The following PTK2 variants were observed in gnomAD, a reference collection of about 807,000 sequenced individuals.
PTK2 encodes protein tyrosine kinase 2, also known as focal adhesion kinase 1.
Under a neutral mutation model 150.1 loss-of-function variants are expected in PTK2, and 45 were observed. The observed-to-expected ratio is 0.30, with a 90% CI of 0.24 to 0.38. The LOEUF is 0.38. PTK2 is among the 10% of genes least tolerant of loss of function. The pLI is 1.00. For synonymous variants in PTK2, 432 were observed against 449.2 expected, an observed-to-expected ratio of 0.96 and a Z score of 0.48; for missense variants, 919 against 1,307.3, an observed-to-expected ratio of 0.70 and a Z score of 4.58.
chr8:140,875,118 G>A (rs1279535165), intron 4 of PTK2, among the ~76,000 whole-genome samples: 2 of 152,192 alleles, frequency 1.3e-5, no homozygotes, highest in Non-Finnish European at 2.9e-5. Flanking sequence ...GAGACCACAG[G>A]AAAGCAGTAA....
chr8:140,959,741 C>T lies in PTK2; in HGVS notation c.-121-33992G>A, dbSNP rs146641189. On this transcript the variant is annotated intron_variant, in intron 1 of 31. Transcript: ENST00000522684. ...CGTATAGCAGCTCATGCCTGTAATT[C>T]TAGCACTTTGGGAGGCCAAGGTTGG... Among the ~76,000 whole-genome samples the T allele has an allele frequency of 5.4e-3, 821 of 152,090 alleles. 4 individuals are homozygous for T. The highest frequency in any genetic ancestry group is 9.9e-3 in the Non-Finnish European group (670 of 67,986).
At chr8:140,876,617 T>G (rs1293003328) in intron 4 of PTK2, among the ~76,000 whole-genome samples, 1 of 152,218 alleles carries the variant, frequency 6.6e-6, no homozygotes, top group African/African-American at 2.4e-5. Context: ...TGGGATTATC[T>G]CCTCCTCTTC....
At position 140,760,094 on chromosome 8, in the gene PTK2, C is replaced by T. The variant is rs1047042306; in HGVS notation, c.1332+1071G>A. On this transcript the variant is annotated intron_variant, in intron 16 of 31. Coordinates refer to ENST00000522684, the Ensembl canonical transcript of PTK2. ...AAAATTAGCTGGGCGTGGTGGAGCG[C>T]GCCTGTAGTCCCAGCTGCTCAGGAG... 4.6e-5 allele frequency among the ~76,000 whole-genome samples: 7 copies of T among 151,956 alleles called. No homozygotes were observed. In the South Asian group the frequency reaches 1.0e-3, roughly 23 times the overall value.
At chr8:140,730,953 AC>A (rs10713091) in intron 22 of PTK2, among the ~76,000 whole-genome samples, 30,149 of 96,544 alleles carry the variant, frequency 0.31, 4,333 homozygotes, top group African/African-American at 0.46. Flanking sequence ...ATTAAATTAA[AC>A]CCCCCCCCCC....
At chr8:140,789,782 T>A (rs761930543) in intron 13 of PTK2, among the ~76,000 whole-genome samples, 1 of 152,064 alleles carries the variant, frequency 6.6e-6, no homozygotes, top group Non-Finnish European at 1.5e-5. Context: ...AACAATGCAA[T>A]ACAATTTAAT....
At chr8:140,941,652 G>T (rs573024972) in intron 1 of PTK2, among the ~76,000 whole-genome samples, 36 of 152,190 alleles carry the variant, frequency 2.4e-4, no homozygotes, top group Middle Eastern at 3.4e-3. Context: ...GAAAAAAAAT[G>T]CTAAATGGCT....
In PTK2 at chr8:140,845,264, G is replaced by C. The variant is rs1451562870; in HGVS notation, c.593+996C>G. ...ATCAAAGGCCAAGTCCAGACTCTTT[G>C]AAGAATGTACTAGATAGGTAATGAC... is the stretch of plus-strand genomic sequence containing the variant. On this transcript the variant is annotated intron_variant, in intron 7 of 31. Transcript: ENST00000522684. Among the ~76,000 whole-genome samples, 3 of 152,060 alleles carry C rather than the reference G, an allele frequency of 2.0e-5. No individual in the cohort carries two copies. In the East Asian group the frequency reaches 5.8e-4, roughly 29 times the overall value.
At chr8:140,933,066 G>A (rs2100172451) in intron 1 of PTK2, among the ~76,000 whole-genome samples, 2 of 151,954 alleles carry the variant, frequency 1.3e-5, no homozygotes, top group Admixed American at 1.3e-4. Flanking sequence ...GGCCAGGCTG[G>A]TCTTGAACTC....
intron 1 of PTK2, among the ~76,000 whole-genome samples, chr8:140,967,487 G>GTC (rs1472859778): frequency 1.4e-5 from 2 of 140,418 alleles, no homozygotes; most frequent in Non-Finnish European, 3.0e-5. Context: ...TTGAGACGGA[G>GTC]TCTCTCTCTG....
chr8:140,945,264 C>T (rs1645821302), intron 1 of PTK2, among the ~76,000 whole-genome samples: 1 of 152,150 alleles, frequency 6.6e-6, no homozygotes, highest in Non-Finnish European at 1.5e-5. Flanking sequence ...CTGATATATC[C>T]TATGTTCAGG....
At chr8:140,896,501 C>A (rs959789525) in intron 2 of PTK2, among the ~76,000 whole-genome samples, 4 of 152,118 alleles carry the variant, frequency 2.6e-5, no homozygotes, top group African/African-American at 9.7e-5. Context: ...GTGTAATTCA[C>A]CACATTTTCA....
At chr8:140,955,109 G>A (rs996641700) in intron 1 of PTK2, among the ~76,000 whole-genome samples, 12 of 152,174 alleles carry the variant, frequency 7.9e-5, no homozygotes, top group African/African-American at 7.2e-5. Context: ...AGAGGAAGAT[G>A]GCAAACAGAA....
chr8:140,898,301 A>AGCACCAACATTCATCT (rs1208583676), intron 2 of PTK2, among the ~76,000 whole-genome samples: 1 of 150,860 alleles, frequency 6.6e-6, no homozygotes, highest in Non-Finnish European at 1.5e-5. Context: ...AAACAGTTCC[A>AGCACCAACATTCATCT]GCACCAACAT....
chr8:140,676,556 C>A (rs117391868), intron 27 of PTK2, among the ~76,000 whole-genome samples: 1 of 143,924 alleles, frequency 6.9e-6, no homozygotes, highest in Non-Finnish European at 1.5e-5. Flanking sequence ...TATACACATA[C>A]GTAAGAATGT....
chr8:140,718,469 C>A (rs144712036), intron 22 of PTK2: 2 of 152,178 alleles, frequency 1.3e-5, no homozygotes, highest in South Asian at 2.1e-4. Context: ...TCCCATTCCA[C>A]GCAGATGCCC....
At chr8:140,789,749 A>G (rs1307621889) in intron 13 of PTK2, among the ~76,000 whole-genome samples, 1 of 151,848 alleles carries the variant, frequency 6.6e-6, no homozygotes, top group Non-Finnish European at 1.5e-5. Context: ...GTTCTGAGAA[A>G]GATACTCTTG....
chr8:140,700,028 T>C (rs1287408190), intron 26 of PTK2, among the ~76,000 whole-genome samples: 1 of 152,258 alleles, frequency 6.6e-6, no homozygotes, highest in Non-Finnish European at 1.5e-5. Context: ...AAGCATCTTA[T>C]AATCTTCATT....
intron 15 of PTK2, among the ~76,000 whole-genome samples, chr8:140,763,443 A>AT (rs954801423): frequency 2.2e-4 from 32 of 148,454 alleles, no homozygotes; most frequent in Admixed American, 3.4e-4. Flanking sequence ...GGCAGGTTTA[A>AT]TTTTTTTTTT....
chr8:140,676,422 A>ATATC (rs2100013762), intron 27 of PTK2, among the ~76,000 whole-genome samples: 1 of 149,874 alleles, frequency 6.7e-6, no homozygotes, highest in African/African-American at 2.5e-5. Flanking sequence ...TAATATATAT[A>ATATC]TTCCTGTCTT....
Sources: gnomAD v4.1 joint callset for allele counts (sites outside exome capture counted in the v4.1 genomes callset) on GRCh38, gnomAD v4.1.1 for gene constraint, MANE v1.5 for transcripts, NCBI Gene and HGNC (gene_info 2026-07-23, HGNC 2026-07-21) for gene names.